The following ESRRG variants were observed in gnomAD, a reference collection of about 807,000 sequenced individuals.
ESRRG encodes the protein estrogen related receptor gamma.
In ESRRG, 13 loss-of-function variants were observed where a neutral mutation model predicts 44.0. That is an observed-to-expected ratio of 0.30 (90% CI 0.19 to 0.47). The LOEUF (loss-of-function observed/expected upper bound fraction) is 0.47, where lower values mean the gene tolerates loss of function less well. Ranked by LOEUF, ESRRG falls within the 20% of genes least tolerant of loss-of-function variation. The pLI is 1.00. For synonymous variants in ESRRG, 215 were observed against 214.6 expected (o/e 1.00, Z -0.02); for missense variants, 395 against 580.6 (o/e 0.68, Z 3.29).
At chr1:216,530,324 A>G (rs571537049) in intron 5 of ESRRG, among the ~76,000 whole-genome samples, 15 of 150,444 alleles carry the variant, frequency 1.0e-4, no homozygotes, top group Non-Finnish European at 1.6e-4. Flanking sequence ...CTATCTATCT[A>G]TCTATCTATC....
intron 2 of ESRRG, among the ~76,000 whole-genome samples, chr1:216,890,588 A>G (rs2057642770): frequency 6.6e-6 from 1 of 152,214 alleles, no homozygotes; most frequent in South Asian, 2.1e-4. Context: ...TAACAAAATG[A>G]GGGTTTTACA....
intron 2 of ESRRG, chr1:216,865,055 T>C (rs1277992220): frequency 5.3e-5 from 8 of 151,720 alleles, no homozygotes; most frequent in Admixed American, 2.0e-4. Context: ...AAAATGATAC[T>C]TTTACCTTAT....
chr1:217,095,334 C>A (rs538011221), intron 1 of ESRRG, among the ~76,000 whole-genome samples: 2 of 152,118 alleles, frequency 1.3e-5, no homozygotes, highest in African/African-American at 4.8e-5. Context: ...GAAAATGAAC[C>A]AGCCTTTTAG....
intron 2 of ESRRG, among the ~76,000 whole-genome samples, chr1:216,751,595 T>C (rs2092011280): frequency 6.6e-6 from 1 of 151,930 alleles, no homozygotes; most frequent in African/African-American, 2.4e-5. Context: ...TCCCTTTTTT[T>C]CCTCCCTGCT....
intron 5 of ESRRG, among the ~76,000 whole-genome samples, chr1:216,519,902 A>C (rs1398675739): frequency 6.6e-6 from 1 of 151,976 alleles, no homozygotes; most frequent in East Asian, 1.9e-4. Context: ...GCTCAGCACA[A>C]CTTGGAAACA....
At chr1:217,120,194 A>C (rs1395291891) in intron 1 of ESRRG, among the ~76,000 whole-genome samples, 2 of 152,112 alleles carry the variant, frequency 1.3e-5, no homozygotes, top group Non-Finnish European at 2.9e-5. Flanking sequence ...TGCCTCCATG[A>C]CCACCTTTGC....
chr1:217,106,158 G>A (rs941476187), intron 1 of ESRRG, among the ~76,000 whole-genome samples: 6 of 152,212 alleles, frequency 3.9e-5, no homozygotes, highest in Admixed American at 1.3e-4. Flanking sequence ...TTTAAATGCA[G>A]TAGTCTCTAA....
At chr1:216,931,340 T>C (rs2063316054) in intron 2 of ESRRG, among the ~76,000 whole-genome samples, 1 of 152,166 alleles carries the variant, frequency 6.6e-6, no homozygotes, top group African/African-American at 2.4e-5. Context: ...TTCTCTGGCC[T>C]ACCCTTTGTG....
intron 2 of ESRRG, among the ~76,000 whole-genome samples, chr1:216,924,309 T>G (rs116054795): frequency 8.3e-4 from 127 of 152,284 alleles, no homozygotes; most frequent in Non-Finnish European, 1.5e-3. Flanking sequence ...TATCCTAACA[T>G]GCAGATTTCC....
intron 1 of ESRRG, among the ~76,000 whole-genome samples, chr1:217,013,996 G>A (rs1396326595): frequency 6.6e-6 from 1 of 152,082 alleles, no homozygotes; most frequent in African/African-American, 2.4e-5. Context: ...CTTTATCAGA[G>A]CAATGCTCCA....
intron 2 of ESRRG, among the ~76,000 whole-genome samples, chr1:216,843,431 C>A (rs1299994084): frequency 6.6e-6 from 1 of 151,996 alleles, no homozygotes; most frequent in Non-Finnish European, 1.5e-5. Flanking sequence ...ACGTTAAATG[C>A]CCCACATTGA....
chr1:216,591,646 A>G (rs971255693), intron 3 of ESRRG, among the ~76,000 whole-genome samples: 1 of 152,224 alleles, frequency 6.6e-6, no homozygotes, highest in Non-Finnish European at 1.5e-5. Flanking sequence ...ATACAAAACC[A>G]GCCTGGAGCA....
At chr1:217,006,854 T>C (rs886328657) in intron 1 of ESRRG, among the ~76,000 whole-genome samples, 6 of 152,094 alleles carry the variant, frequency 3.9e-5, no homozygotes, top group Non-Finnish European at 7.4e-5. Flanking sequence ...GGATTTGGGA[T>C]TTTCAGATTA....
rs202020269 is a variant in ESRRG at position 216,908,982 on chromosome 1, A to AT, written c.-14+30599dup. Among the ~76,000 whole-genome samples, 559 of 151,884 alleles carry AT rather than the reference A, an allele frequency of 3.7e-3. 3 individuals carry two copies. The highest frequency in any genetic ancestry group is 5.7e-3 in the Non-Finnish European group (386 of 67,940). ...ACAACAGATAAAGAGGGGATTAAAA[A>AT]TTTTTTTTTGTTTGCTACTGGTCAT... On this transcript the variant is annotated intron_variant, in intron 2 of 7. Transcript: ENST00000359162.
At chr1:216,717,006 A>C (rs2085040506) in intron 1 of ESRRG, among the ~76,000 whole-genome samples, 1 of 151,918 alleles carries the variant, frequency 6.6e-6, no homozygotes, top group Non-Finnish European at 1.5e-5. Flanking sequence ...TTCCAAGTAT[A>C]CATGCATTGT....
At chr1:216,622,750 T>C (rs1314546991) in intron 3 of ESRRG, among the ~76,000 whole-genome samples, 1 of 152,198 alleles carries the variant, frequency 6.6e-6, no homozygotes, top group Non-Finnish European at 1.5e-5. Flanking sequence ...AGAAGAAATT[T>C]AGATGCGTAT....
intron 3 of ESRRG, among the ~76,000 whole-genome samples, chr1:216,631,907 A>T (rs2064270495): frequency 6.6e-6 from 1 of 152,126 alleles, no homozygotes; most frequent in Non-Finnish European, 1.5e-5. Context: ...TGGGATGAGG[A>T]AGCAGGGGGA....
At chr1:217,038,547 C>T (rs2083310527) in intron 1 of ESRRG, among the ~76,000 whole-genome samples, 1 of 152,216 alleles carries the variant, frequency 6.6e-6, no homozygotes, top group Non-Finnish European at 1.5e-5. Context: ...TTTGAAGCAA[C>T]AGCCCAAGCT....
intron 2 of ESRRG, among the ~76,000 whole-genome samples, chr1:216,872,166 G>T (rs1005936012): frequency 1.3e-5 from 2 of 152,066 alleles, no homozygotes; most frequent in Admixed American, 6.6e-5. Flanking sequence ...GAAATCTACA[G>T]TCATTTAAAT....
Sources: gnomAD v4.1 joint callset for allele counts (sites outside exome capture counted in the v4.1 genomes callset) on GRCh38, gnomAD v4.1.1 for gene constraint, MANE v1.5 for transcripts, NCBI Gene and HGNC (gene_info 2026-07-23, HGNC 2026-07-21) for gene names.